SLC24A2: variants seen among roughly 807,000 people sequenced by gnomAD.
SLC24A2 encodes the protein solute carrier family 24 member 2.
Under a neutral mutation model 62.0 loss-of-function variants are expected in SLC24A2, and 36 were observed. The observed-to-expected ratio is 0.58, with a 90% CI of 0.44 to 0.77. The LOEUF is 0.77. Among genes scored for constraint, SLC24A2 ranks in the 30% least tolerant of loss-of-function variants. The probability of loss-of-function intolerance (pLI) is 0.00; values close to 1 mark genes in which losing one functional copy is unlikely to be tolerated. For missense variants in SLC24A2, 846 were observed against 817.9 expected, an observed-to-expected ratio of 1.03 and a Z score of -0.42; for synonymous variants, 358 against 294.0, an observed-to-expected ratio of 1.22 and a Z score of -2.23.
At chr9:19,923,454 C>G in the SLC24A2 span, among the ~76,000 whole-genome samples, 1 of 152,124 alleles carries the variant, frequency 6.6e-6, no homozygotes, top group African/African-American at 2.4e-5. Context: ...GCCACCCCTG[C>G]GCCCTGGGAC....
At position 19,515,860 on chromosome 9, in the gene SLC24A2, C is replaced by T. The variant is rs1589114599; in HGVS notation, c.*293G>A. ...TATATATAGCCTGTGTCCTTGTTTG[C>T]ATCGACTGTACCTCCGACCAGCGAG... On this transcript the variant is annotated 3_prime_UTR_variant, in exon 11 of 11. Coordinates refer to ENST00000341998, the MANE Select transcript of SLC24A2 (RefSeq NM_020344.4). 1 of 424,202 alleles carries T rather than the reference C, an allele frequency of 2.4e-6. No homozygotes were observed. The highest frequency in any genetic ancestry group is 2.0e-5 in the African/African-American group (1 of 49,484). 26.3% of individuals were successfully genotyped at this position (424,202 alleles called of 1,614,324 possible).
the SLC24A2 span, among the ~76,000 whole-genome samples, chr9:19,849,097 G>T: frequency 2.0e-5 from 3 of 152,204 alleles, no homozygotes; most frequent in African/African-American, 7.2e-5. Context: ...CACTGAGTGG[G>T]CAGAGACCCT....
At chr9:19,735,696 A>C (rs1377165539) in intron 2 of SLC24A2, among the ~76,000 whole-genome samples, 1 of 152,176 alleles carries the variant, frequency 6.6e-6, no homozygotes, top group Non-Finnish European at 1.5e-5. Context: ...TGATGAGTTC[A>C]TGTCCTTTGT....
At chr9:20,130,951 C>T in the SLC24A2 span, among the ~76,000 whole-genome samples, 11 of 151,268 alleles carry the variant, frequency 7.3e-5, no homozygotes, top group African/African-American at 2.7e-4. Flanking sequence ...CCCAGCATGA[C>T]TTTCCTGCCC....
At chr9:19,563,171 G>A (rs780434789) in intron 7 of SLC24A2, among the ~76,000 whole-genome samples, 4 of 125,112 alleles carry the variant, frequency 3.2e-5, no homozygotes, top group Non-Finnish European at 5.6e-5. Context: ...TCACTATTCA[G>A]CTTTGGCATC....
chr9:19,744,971 G>A (rs898658497), intron 2 of SLC24A2, among the ~76,000 whole-genome samples: 1 of 152,118 alleles, frequency 6.6e-6, no homozygotes, highest in Admixed American at 6.5e-5. Context: ...GATATGGTCT[G>A]GACATTTGTC....
the SLC24A2 span, among the ~76,000 whole-genome samples, chr9:20,028,620 C>T: frequency 6.6e-6 from 1 of 152,294 alleles, no homozygotes; most frequent in Non-Finnish European, 1.5e-5. Context: ...TAGAAACGTG[C>T]CATTCTGCTC....
chr9:19,849,859 T>C, the SLC24A2 span, among the ~76,000 whole-genome samples: 1 of 152,176 alleles, frequency 6.6e-6, no homozygotes, highest in Admixed American at 6.5e-5. Context: ...TGAATGTCTC[T>C]GTAATGAATT....
chr9:20,164,780 T>G, the SLC24A2 span, among the ~76,000 whole-genome samples: 6 of 151,076 alleles, frequency 4.0e-5, no homozygotes, highest in South Asian at 8.3e-4. Flanking sequence ...GTGGCACATA[T>G]ACACCATGGA....
intron 8 of SLC24A2, among the ~76,000 whole-genome samples, chr9:19,542,237 CTGTT>C (rs1269806557): frequency 3.3e-5 from 5 of 152,286 alleles, no homozygotes; most frequent in African/African-American, 1.2e-4. Context: ...TCCCTTCTCT[CTGTT>C]TGTCTTTTAT....
intron 2 of SLC24A2, among the ~76,000 whole-genome samples, chr9:19,678,516 C>G (rs1819622331): frequency 6.6e-6 from 1 of 152,132 alleles, no homozygotes; most frequent in Admixed American, 6.5e-5. Context: ...CTTTATTTTT[C>G]TATTTAAAAA....
chr9:19,556,669 C>T lies in SLC24A2; in HGVS notation c.1348-6401G>A, dbSNP rs534682328. Among the ~76,000 whole-genome samples the T allele has an allele frequency of 5.9e-5, 9 of 152,236 alleles. No homozygotes were observed. The East Asian group carries it at 1.5e-3, about 26-fold the overall frequency. On this transcript the variant is annotated intron_variant, in intron 7 of 10. Coordinates refer to ENST00000341998, the MANE Select transcript of SLC24A2 (RefSeq NM_020344.4). ...CTCACTGTAACACTTAGGAGTGCTA[C>T]CTCTTATCATTGGGAAGCCTGTTCA...
At position 19,510,998 on chromosome 9, in the gene SLC24A2, A is replaced by G. The variant is rs1418139963; in HGVS notation, c.*5155T>C. ...AAGGCTGGTGCCCCATGTGTGAGGA[A>G]GGCATGCAAAATGCCAGTGTGTACA... On this transcript the variant is annotated 3_prime_UTR_variant, in exon 11 of 11. Transcript: ENST00000341998. 6.6e-6 allele frequency: 1 copy of G among 152,184 alleles called. No individual in the cohort carries two copies. Among genetic ancestry groups the G allele is most frequent in the Non-Finnish European group, 1.5e-5 (1 of 68,058 alleles). The allele number at this position is 152,184 out of a possible 1,614,324, so 9.4% of individuals were successfully genotyped here.
the SLC24A2 span, among the ~76,000 whole-genome samples, chr9:19,936,653 T>G: frequency 2.6e-5 from 4 of 152,210 alleles, no homozygotes; most frequent in Non-Finnish European, 5.9e-5. Flanking sequence ...ATATATTATT[T>G]AAAGTTGCAA....
At chr9:19,988,330 G>C in the SLC24A2 span, among the ~76,000 whole-genome samples, 10 of 152,114 alleles carry the variant, frequency 6.6e-5, no homozygotes, top group Non-Finnish European at 1.3e-4. Flanking sequence ...CTTTTTCAAA[G>C]AGACAATATT....
the SLC24A2 span, among the ~76,000 whole-genome samples, chr9:20,063,346 C>T: frequency 2.0e-5 from 3 of 150,524 alleles, no homozygotes; most frequent in Non-Finnish European, 4.4e-5. Context: ...TTTGTAGGGA[C>T]GTGGATGAAA....
At chr9:19,842,430 A>G in the SLC24A2 span, among the ~76,000 whole-genome samples, 5 of 152,210 alleles carry the variant, frequency 3.3e-5, no homozygotes, top group African/African-American at 1.2e-4. Context: ...AATGGGCTCT[A>G]TTATACAGGA....
In SLC24A2 at chr9:19,576,952, C is replaced by T; in HGVS notation, c.1200G>A (p.Glu400=). 1 of 1,614,104 alleles carries T rather than the reference C, an allele frequency of 6.2e-7. No individual in the cohort carries two copies. The highest frequency in any genetic ancestry group is 1.1e-5 in the South Asian group (1 of 91,086). ...AKKKCHVDEN[E]RQNGAANHVE... is the part of the protein sequence containing the mutation. ...CGTGGTTGGCAGCCCCATTCTGCCT[C>T]TCGTTCTCATCCACATGACATTTCT... The change falls in exon 6 of 11, where the codon GAG becomes GAA. Residue 400 remains glutamate (E), a synonymous_variant. Coordinates refer to ENST00000341998, the MANE Select transcript of SLC24A2 (RefSeq NM_020344.4).
the SLC24A2 span, among the ~76,000 whole-genome samples, chr9:20,229,316 C>G: frequency 6.6e-6 from 1 of 152,068 alleles, no homozygotes; most frequent in Non-Finnish European, 1.5e-5. Context: ...CTCTGGTGTT[C>G]TTCTCTATAT....
Sources: allele counts gnomAD v4.1 joint callset (sites outside exome capture counted in the v4.1 genomes callset), GRCh38; gene constraint gnomAD v4.1.1; transcripts MANE v1.5; gene names NCBI Gene and HGNC (gene_info 2026-07-23, HGNC 2026-07-21).